Variants in ALPL observed in about 807,000 individuals in gnomAD.
ALPL encodes alkaline phosphatase, biomineralization associated, also known as alkaline phosphatase, tissue-nonspecific isozyme.
A neutral mutation model predicts 51.3 loss-of-function variants in ALPL; 42 were observed. That is an observed-to-expected ratio of 0.82 (90% CI 0.64 to 1.06). The LOEUF is 1.06. Ranked by LOEUF, ALPL falls within the 50% of genes least tolerant of loss-of-function variation. The pLI is 0.00. For synonymous variants in ALPL, 279 were observed against 296.4 expected (o/e 0.94, Z 0.60); for missense variants, 589 against 709.4 (o/e 0.83, Z 1.93).
intron 6 of ALPL, among the ~76,000 whole-genome samples, chr1:21,567,450 G>C (rs886857697): frequency 3.9e-5 from 6 of 152,260 alleles, no homozygotes; most frequent in African/African-American, 9.6e-5. Flanking sequence ...CGGCCCCGCT[G>C]TTTGCCCAGG....
chr1:21,564,308 A>G lies in ALPL; in HGVS notation c.648+92A>G, dbSNP rs1387132700. Reference sequence around the variant, plus strand: ...AGGCCCAGGCTGGCCCGGAGAAAGCAGCCTGGCCTGGCTCCCCACACACCT... The same window carrying G: ...AGGCCCAGGCTGGCCCGGAGAAAGCGGCCTGGCCTGGCTCCCCACACACCT... On this transcript the variant is annotated intron_variant, in intron 6 of 11. Transcript: ENST00000374840. This position sits in a 1 kb window ranked among gnomAD's most constrained non-coding sequence, Gnocchi z 5.8. The G allele has an allele frequency of 6.6e-7, 1 of 1,522,736 alleles. No individual in the cohort carries two copies. The highest frequency in any genetic ancestry group is 8.9e-7 in the Non-Finnish European group (1 of 1,117,966). 94.3% of individuals were successfully genotyped at this position (1,522,736 alleles called of 1,614,324 possible). A position where few individuals can be genotyped will look rare whatever the true frequency, so the allele number is the denominator to read the frequency against.
At chr1:21,522,904 C>T (rs537870136) in intron 1 of ALPL, among the ~76,000 whole-genome samples, 18 of 152,158 alleles carry the variant, frequency 1.2e-4, no homozygotes, top group Non-Finnish European at 1.9e-4. Flanking sequence ...AAGTCAGATA[C>T]ATTAATCATT....
chr1:21,532,789 A>C (rs540450178), intron 1 of ALPL, among the ~76,000 whole-genome samples: 1 of 152,150 alleles, frequency 6.6e-6, no homozygotes, highest in African/African-American at 2.4e-5. Flanking sequence ...GCACATCCTC[A>C]AGACTCCTTC....
chr1:21,559,977 G>A (rs900287041), intron 2 of ALPL, among the ~76,000 whole-genome samples: 2 of 152,242 alleles, frequency 1.3e-5, no homozygotes, highest in African/African-American at 2.4e-5. Flanking sequence ...TCAGCCAAGA[G>A]GGATGGAGGG....
chr1:21,536,730 G>A (rs1376826360), intron 1 of ALPL, among the ~76,000 whole-genome samples: 1 of 151,994 alleles, frequency 6.6e-6, no homozygotes, highest in Non-Finnish European at 1.5e-5. Context: ...GAAAGGGGGA[G>A]GGTCACTTCC....
At chr1:21,525,084 G>C (rs1411141970) in intron 1 of ALPL, among the ~76,000 whole-genome samples, 1 of 152,230 alleles carries the variant, frequency 6.6e-6, no homozygotes, top group East Asian at 1.9e-4. Flanking sequence ...TGGTTTGTGT[G>C]AGAACTTTGT....
chr1:21,509,086 A>G (rs1405594295), upstream of ALPL, among the ~76,000 whole-genome samples: 1 of 151,922 alleles, frequency 6.6e-6, no homozygotes, highest in African/African-American at 2.4e-5. This position sits in a 1 kb window ranked among gnomAD's most constrained non-coding sequence, Gnocchi z 6.0. Flanking sequence ...GGTAAAGACA[A>G]AACAGGAGAC....
chr1:21,515,669 A>G (rs901992746), intron 1 of ALPL, among the ~76,000 whole-genome samples: 1 of 151,972 alleles, frequency 6.6e-6, no homozygotes, highest in African/African-American at 2.4e-5. Context: ...GATTACAGGC[A>G]TGGGCCACCA....
chr1:21,519,228 A>C (rs913211924), intron 1 of ALPL, among the ~76,000 whole-genome samples: 10 of 152,204 alleles, frequency 6.6e-5, no homozygotes, highest in African/African-American at 1.9e-4. Flanking sequence ...CTTGGGACTG[A>C]ACATGGGCAC....
chr1:21,520,447 A>G (rs962283954), intron 1 of ALPL, among the ~76,000 whole-genome samples: 2 of 149,506 alleles, frequency 1.3e-5, no homozygotes, highest in African/African-American at 4.9e-5. Context: ...TTCAGTTTTT[A>G]AAGCCATTTC....
rs763073466 is a variant in ALPL, at chr1:21,577,473, T to G, written c.1400T>G (p.Met467Arg). Reference protein sequence around the residue: ...EDVAVFSKGPMAHLLHGVHEQ... With the variant: ...EDVAVFSKGPRAHLLHGVHEQ... The stretch of plus-strand genomic sequence containing the variant: ...GTGGCCGTCTTCTCCAAGGGCCCCA[T>G]GGCGCACCTGCTGCACGGCGTCCAC... The change falls in exon 12 of 12, where the codon ATG (methionine) becomes AGG (arginine). Residue 467 changes from methionine (M) to arginine (R), a missense_variant. Physicochemically the swap from Met to Arg is moderately conservative, Grantham distance 91. Transcript: ENST00000374840. The G allele has an allele frequency of 3.1e-6, 5 of 1,610,632 alleles. No homozygotes were observed. The highest frequency in any genetic ancestry group is 4.2e-6 in the Non-Finnish European group (5 of 1,179,890).
At chr1:21,546,421 G>GC (rs1208421473) in intron 1 of ALPL, among the ~76,000 whole-genome samples, 1 of 152,168 alleles carries the variant, frequency 6.6e-6, no homozygotes, top group Non-Finnish European at 1.5e-5. Flanking sequence ...GTCTAATGGT[G>GC]CACAGCTGTG....
intron 1 of ALPL, among the ~76,000 whole-genome samples, chr1:21,531,286 G>C (rs1224448576): frequency 6.6e-6 from 1 of 151,952 alleles, no homozygotes; most frequent in Non-Finnish European, 1.5e-5. Context: ...TAAGAGACAG[G>C]GTCTCACTTT....
intron 1 of ALPL, among the ~76,000 whole-genome samples, chr1:21,527,832 G>A (rs1313609982): frequency 6.6e-6 from 1 of 151,506 alleles, no homozygotes; most frequent in Non-Finnish European, 1.5e-5. Flanking sequence ...TTATAGGCAT[G>A]ACCACCACGC....
chr1:21,567,412 C>T, intron 6 of ALPL, among the ~76,000 whole-genome samples: 1 of 152,250 alleles, frequency 6.6e-6, no homozygotes, highest in East Asian at 1.9e-4. Flanking sequence ...TAAAATTAGC[C>T]TGGTGGTGAC....
At chr1:21,563,310 A>C in intron 5 of ALPL, 26 bp downstream of exon 5, 1 of 1,599,500 alleles carries the variant, frequency 6.3e-7, no homozygotes, top group South Asian at 1.1e-5. Context: ...AGTGGGGAGC[A>C]GGGCCAGCTT....
chr1:21,577,892 TTCTC>T lies in ALPL; in HGVS notation c.*246_*249del. 1 of 600,074 alleles carries T rather than the reference TTCTC, an allele frequency of 1.7e-6. No homozygotes were observed. 37.2% of individuals were successfully genotyped at this position (600,074 alleles called of 1,614,324 possible). A position where few individuals can be genotyped will look rare whatever the true frequency, so the allele number is the denominator to read the frequency against. On this transcript the variant is annotated 3_prime_UTR_variant, in exon 12 of 12. Transcript: ENST00000374840. ...CTGCCCTTTGGCCAACAGGGTAGAT[TTCTC>T]TTGGGCAGGCAGAGAGTACAGACTG...
intron 1 of ALPL, among the ~76,000 whole-genome samples, chr1:21,534,857 A>G (rs1158610294): frequency 6.6e-6 from 1 of 152,184 alleles, no homozygotes; most frequent in Non-Finnish European, 1.5e-5. Context: ...GTGTGGGATC[A>G]TTGCAAGGCC....
intron 2 of ALPL, 64 bp from the exon 3 acceptor site, chr1:21,560,562 C>A: frequency 6.3e-7 from 1 of 1,597,100 alleles, no homozygotes; most frequent in Non-Finnish European, 8.6e-7. Flanking sequence ...GTGGGGGGAT[C>A]TGTACGTCTG....
Sources: allele counts gnomAD v4.1 joint callset (sites outside exome capture counted in the v4.1 genomes callset), GRCh38; gene constraint gnomAD v4.1.1; non-coding constraint Gnocchi (gnomAD v3.1); transcripts MANE v1.5; gene names NCBI Gene and HGNC (gene_info 2026-07-23, HGNC 2026-07-21).